The following LYG2 variants were observed in gnomAD, a reference collection of about 807,000 sequenced individuals.
LYG2 encodes the protein lysozyme g-like protein 2.
LYG2 carries 25 observed loss-of-function variants against 22.4 expected under a neutral mutation model. The ratio of observed to expected loss-of-function variants is 1.12; its 90% CI spans 0.81 to 1.56. The LOEUF is 1.56. LYG2 is among the 40% of genes most tolerant of loss of function. The pLI is 0.00. For missense variants in LYG2, 266 were observed against 269.5 expected (o/e 0.99, Z 0.09); for synonymous variants, 88 against 97.0 (o/e 0.91, Z 0.55).
intron 6 of LYG2, chr2:99,243,693 CTT>C (rs999579137): frequency 0.039 from 6,041 of 154,482 alleles, no homozygotes; most frequent in Middle Eastern, 0.087. Context: ...CCATGCCCAG[CTT>C]TTTTTTTTTT....
chr2:99,248,038 T>C (rs1359853947), intron 3 of LYG2, among the ~76,000 whole-genome samples: 1 of 152,152 alleles, frequency 6.6e-6, no homozygotes, highest in Non-Finnish European at 1.5e-5. Context: ...TGAGATACCA[T>C]CTCACACCAG....
intron 3 of LYG2, among the ~76,000 whole-genome samples, chr2:99,252,856 G>C (rs564618241): frequency 4.8e-4 from 73 of 151,872 alleles, no homozygotes; most frequent in East Asian, 1.4e-3. Flanking sequence ...ACCATCCTGG[G>C]TAACACAGTG....
chr2:99,246,909 G>T (rs1442027006), intron 3 of LYG2, 89 bp from the exon 4 acceptor site: 1 of 1,307,124 alleles, frequency 7.7e-7, no homozygotes, highest in African/African-American at 1.5e-5. Flanking sequence ...AAAGGCAGAA[G>T]GCCACAGACA....
At chr2:99,247,801 A>G (rs2094018874) in intron 3 of LYG2, among the ~76,000 whole-genome samples, 1 of 152,108 alleles carries the variant, frequency 6.6e-6, no homozygotes, top group African/African-American at 2.4e-5. Context: ...GGCAACCTAC[A>G]AAATGGGAGA....
upstream of LYG2, among the ~76,000 whole-genome samples, chr2:99,257,266 GTTTTTTGT>G (rs1306509418): frequency 2.6e-5 from 4 of 152,158 alleles, no homozygotes; most frequent in Non-Finnish European, 5.9e-5. Flanking sequence ...GTCCAAAGTG[GTTTTTTGT>G]CACTTTATAT....
rs2105275902 is a variant in LYG2, at chr2:99,254,280, C to T, written c.-20G>A. 2 of 1,613,300 alleles carry T rather than the reference C, an allele frequency of 1.2e-6. No individual in the cohort carries two copies. The highest frequency in any genetic ancestry group is 1.7e-6 in the Non-Finnish European group (2 of 1,179,356). On this transcript the variant is annotated 5_prime_UTR_variant, in exon 3 of 7. An upstream open reading frame in the 5' UTR gains an earlier in-frame stop. Transcript: ENST00000333017. ...TAACATGGCGGGGAATCTTATCTTC[C>T]AGGACCTGCTCTGATTTGAAATAGA... is the stretch of plus-strand genomic sequence containing the variant.
chr2:99,245,175 G>A (rs1574862187), intron 5 of LYG2, 87 bp downstream of exon 5: 1 of 1,404,338 alleles, frequency 7.1e-7, no homozygotes, highest in Non-Finnish European at 9.4e-7. Context: ...TTGGGGCTTG[G>A]AAGCACTGCA....
intron 3 of LYG2, among the ~76,000 whole-genome samples, chr2:99,251,290 A>G (rs1349964321): frequency 6.6e-6 from 1 of 152,226 alleles, no homozygotes; most frequent in East Asian, 1.9e-4. Flanking sequence ...TAATAAACAC[A>G]TAGAGGAGAA....
chr2:99,247,949 GA>G (rs1320079528), intron 3 of LYG2, among the ~76,000 whole-genome samples: 35 of 152,240 alleles, frequency 2.3e-4, no homozygotes, highest in Middle Eastern at 3.4e-3. Context: ...CTCAAAAGAA[GA>G]CATTTATGCA....
At chr2:99,253,729 T>G (rs752051985) in intron 3 of LYG2, among the ~76,000 whole-genome samples, 1 of 152,144 alleles carries the variant, frequency 6.6e-6, no homozygotes, top group Non-Finnish European at 1.5e-5. Context: ...TTTTTCTTAT[T>G]AAATCACCAA....
intron 3 of LYG2, among the ~76,000 whole-genome samples, chr2:99,248,265 A>G (rs954135160): frequency 2.0e-5 from 3 of 152,212 alleles, no homozygotes; most frequent in African/African-American, 4.8e-5. Flanking sequence ...TCATGCTGCT[A>G]TAAAGACACA....
intron 6 of LYG2, chr2:99,243,570 CTG>C: frequency 7.4e-7 from 1 of 1,348,526 alleles, no homozygotes; most frequent in Admixed American, 2.1e-5. Context: ...GGGTCTCACT[CTG>C]TCTCCCAGGC....
intron 1 of LYG2, among the ~76,000 whole-genome samples, 77 bp downstream of exon 1, chr2:99,255,526 G>A (rs545906788): frequency 7.8e-4 from 119 of 152,100 alleles, no homozygotes; most frequent in Non-Finnish European, 9.7e-4. Context: ...CTAAATTTGC[G>A]AATAAGAAAC....
chr2:99,242,436 T>C lies in LYG2; in HGVS notation c.567A>G (p.Pro189=), dbSNP rs757114661. 4.8e-5 allele frequency: 78 copies of C among 1,613,342 alleles called. 1 individual carries two copies. The highest frequency in any genetic ancestry group is 6.5e-5 in the Non-Finnish European group (77 of 1,179,662). The change falls in exon 7 of 7, where the codon CCA becomes CCG. Residue 189 remains proline, a synonymous_variant. Transcript: ENST00000333017. ...TGACGAAGTCATTGTCTATGTCCGA[T>C]GGGGTGGCAATCGCTTCAATTCCTG... The part of the protein sequence containing the change: ...FKSGIEAIAT[P]SDIDNDFVND...
intron 3 of LYG2, among the ~76,000 whole-genome samples, chr2:99,251,233 TA>T (rs2105274220): frequency 6.6e-6 from 1 of 152,162 alleles, no homozygotes; most frequent in East Asian, 1.9e-4. Context: ...AATGGAATCA[TA>T]AAAAAGAAGA....
intron 3 of LYG2, among the ~76,000 whole-genome samples, chr2:99,252,481 A>C (rs1191469935): frequency 6.6e-6 from 1 of 152,084 alleles, no homozygotes; most frequent in South Asian, 2.1e-4. Context: ...TCATTAGGTC[A>C]GATACTAGAT....
rs1292627489 is a variant in LYG2 at position 99,247,249 on chromosome 2, G to A, written c.44-429C>T. ...CTGGAACCACAGGTGCATATCACCA[G>A]GACTGGCTTATTTTCTCTTTTTGTA... On this transcript the variant is annotated intron_variant, in intron 3 of 6. Transcript: ENST00000333017. Among the ~76,000 whole-genome samples, 4 of 151,956 alleles carry A rather than the reference G, an allele frequency of 2.6e-5. No individual in the cohort carries two copies. In the East Asian group the frequency reaches 7.7e-4, roughly 29 times the overall value.
Position 99,246,789 on chromosome 2 carries a change from G to A in LYG2, c.75C>T (p.His25=). The A allele has an allele frequency of 6.2e-7, 1 of 1,614,076 alleles. No individual in the cohort carries two copies. Among genetic ancestry groups the A allele is most frequent in the Non-Finnish European group, 8.5e-7 (1 of 1,179,984 alleles). The part of the protein sequence containing the change: ...GTSRGSYPFS[H]SMKPHLHPRL... The stretch of plus-strand genomic sequence containing the variant: ...GTGGATGTAGGTGAGGCTTCATTGA[G>A]TGACTGAAGGGGTATGAGCCCCTGG... The change falls in exon 4 of 7, where the codon CAC becomes CAT. Residue 25 remains histidine, a synonymous_variant. Coordinates refer to ENST00000333017, the MANE Select transcript of LYG2 (RefSeq NM_175735.4).
At chr2:99,243,515 T>TAGAG in intron 6 of LYG2, 1 of 1,512,298 alleles carries the variant, frequency 6.6e-7, no homozygotes, top group Middle Eastern at 1.8e-4. Context: ...GATAGATAGA[T>TAGAG]AGATAGATAG....
Sources: gnomAD v4.1 joint callset for allele counts (sites outside exome capture counted in the v4.1 genomes callset) on GRCh38, gnomAD v4.1.1 for gene constraint, MANE v1.5 for transcripts, NCBI Gene and HGNC (gene_info 2026-07-23, HGNC 2026-07-21) for gene names.